PDE6G: variants seen among roughly 807,000 people sequenced by gnomAD.
PDE6G encodes the protein rod cGMP 3',5'-cyclic phosphodiesterase subunit gamma.
In PDE6G, 10 loss-of-function variants were observed where a neutral mutation model predicts 10.9. The ratio of observed to expected loss-of-function variants is 0.91; its 90% CI spans 0.56 to 1.55. The LOEUF (loss-of-function observed/expected upper bound fraction) is 1.55, where lower values mean the gene tolerates loss of function less well. Among genes scored for constraint, PDE6G ranks in the 40% most tolerant of loss-of-function variants. The pLI is 0.00. For synonymous variants in PDE6G, 41 were observed against 42.8 expected, an observed-to-expected ratio of 0.96 and a Z score of 0.16; for missense variants, 102 against 110.1, an observed-to-expected ratio of 0.93 and a Z score of 0.33.
At chr17:81,656,365 A>T in intron 1 of PDE6G, 128 bp downstream of exon 1, 1 of 659,054 alleles carries the variant, frequency 1.5e-6, no homozygotes, top group Non-Finnish European at 2.8e-6. Flanking sequence ...GCATCTGCAG[A>T]CCCAGACCTC....
rs938001932 is a variant in PDE6G, at chr17:81,651,191, G to A, written c.188-41C>T. 7.6e-6 allele frequency: 11 copies of A among 1,441,918 alleles called. No individual in the cohort carries two copies. The highest frequency in any genetic ancestry group is 1.1e-5 in the South Asian group (1 of 87,486). 89.3% of individuals were successfully genotyped at this position (1,441,918 alleles called of 1,614,324 possible). A position where few individuals can be genotyped will look rare whatever the true frequency, so the allele number is the denominator to read the frequency against. On this transcript the variant is annotated intron_variant, in intron 3 of 3. Coordinates refer to ENST00000331056, the MANE Select transcript of PDE6G (RefSeq NM_002602.4). The surrounding 1 kb of genome is among the most constrained non-coding windows in gnomAD (Gnocchi z 4.8). The stretch of plus-strand genomic sequence containing the variant: ...GCCACGGATCAGAGAGGATCCCACG[G>A]CCTAGGGACCCCCCCATCCCCTGTG...
chr17:81,660,749 C>T (rs1310866767), upstream of PDE6G, among the ~76,000 whole-genome samples: 1 of 152,184 alleles, frequency 6.6e-6, no homozygotes, highest in Non-Finnish European at 1.5e-5. Flanking sequence ...GTCTCAGACT[C>T]CCACAGTGCT....
At chr17:81,659,945 C>T (rs1314303208), upstream of PDE6G, among the ~76,000 whole-genome samples, 2 of 152,034 alleles carry the variant, frequency 1.3e-5, no homozygotes, top group Non-Finnish European at 2.9e-5. Context: ...ATTAGCCGGG[C>T]GTGGTGGTGC....
upstream of PDE6G, among the ~76,000 whole-genome samples, chr17:81,659,591 T>A (rs1390766775): frequency 6.6e-6 from 1 of 151,804 alleles, no homozygotes; most frequent in African/African-American, 2.4e-5. Flanking sequence ...AGAGGAAGAC[T>A]TCATCTCAAA....
chr17:81,650,804 A>C lies in PDE6G; in HGVS notation c.*270T>G. 1 of 559,188 alleles carries C rather than the reference A, an allele frequency of 1.8e-6. No individual in the cohort carries two copies. The highest frequency in any genetic ancestry group is 3.4e-6 in the Non-Finnish European group (1 of 293,946). The allele number at this position is 559,188 out of a possible 1,614,324, so 34.6% of individuals were successfully genotyped here. A position where few individuals can be genotyped will look rare whatever the true frequency, so the allele number is the denominator to read the frequency against. On this transcript the variant is annotated 3_prime_UTR_variant, in exon 4 of 4. Coordinates refer to ENST00000331056, the MANE Select transcript of PDE6G (RefSeq NM_002602.4). ...TTCTCCCTGGGAGTGGAGACCGACC[A>C]AGCCTCTCTGTGGGCAGGACTGAGG...
upstream of PDE6G, chr17:81,656,870 T>C: frequency 3.9e-6 from 2 of 513,922 alleles, no homozygotes; most frequent in Non-Finnish European, 7.1e-6. Context: ...CCCACCTTCA[T>C]GGTCCCCAAA....
Position 81,650,681 on chromosome 17 carries a change from G to T in PDE6G, c.*393C>A. ...CTTACAGGCAGGACAGGGGGCTGGGGTGCAGAAGCACTCTGGGGAGACCTG... is the reference window on the plus strand; with the variant it reads ...CTTACAGGCAGGACAGGGGGCTGGGTTGCAGAAGCACTCTGGGGAGACCTG... On this transcript the variant is annotated 3_prime_UTR_variant, in exon 4 of 4. Transcript: ENST00000331056. 1 of 458,144 alleles carries T rather than the reference G, an allele frequency of 2.2e-6. No individual in the cohort carries two copies. The highest frequency in any genetic ancestry group is 4.4e-6 in the Non-Finnish European group (1 of 229,462). The allele number at this position is 458,144 out of a possible 1,614,324, so 28.4% of individuals were successfully genotyped here.
chr17:81,655,610 G>A (rs1198421528), intron 1 of PDE6G, among the ~76,000 whole-genome samples: 2 of 152,256 alleles, frequency 1.3e-5, no homozygotes, highest in African/African-American at 4.8e-5. Flanking sequence ...CCTATTAACA[G>A]CAGAGGGGAA....
At chr17:81,662,791 G>C (rs868581527) in intron 1 of PDE6G, among the ~76,000 whole-genome samples, 1 of 152,178 alleles carries the variant, frequency 6.6e-6, no homozygotes, top group Middle Eastern at 3.4e-3. Context: ...CTGAGCCTAG[G>C]AGTTCAAGAC....
upstream of PDE6G, chr17:81,656,680 AG>A (rs2036451985): frequency 4.3e-6 from 3 of 701,384 alleles, no homozygotes; most frequent in Non-Finnish European, 7.8e-6. Flanking sequence ...GGAGGGGCTC[AG>A]GTGCTGTCAA....
At chr17:81,659,368 G>A (rs2036488416), upstream of PDE6G, among the ~76,000 whole-genome samples, 1 of 151,920 alleles carries the variant, frequency 6.6e-6, no homozygotes. Context: ...GGAGGACGAG[G>A]TGGCTGGACC....
chr17:81,658,949 A>G (rs1416916714), upstream of PDE6G, among the ~76,000 whole-genome samples: 1 of 152,188 alleles, frequency 6.6e-6, no homozygotes, highest in African/African-American at 2.4e-5. Context: ...ATGAAAATAC[A>G]TAAAGCTCCA....
Position 81,650,835 on chromosome 17 carries a change from G to A in PDE6G, c.*239C>T, listed in dbSNP as rs945996528. ...CTCTGTGGGCAGGACTGAGGGGTGG[G>A]CCTGTATCTCCAGATGTTGAGCAGG... On this transcript the variant is annotated 3_prime_UTR_variant, in exon 4 of 4. Transcript: ENST00000331056. 7 of 611,246 alleles carry A rather than the reference G, an allele frequency of 1.1e-5. No individual in the cohort carries two copies. The highest frequency in any genetic ancestry group is 2.1e-5 in the Non-Finnish European group (7 of 327,798). The allele number at this position is 611,246 out of a possible 1,614,324, so 37.9% of individuals were successfully genotyped here.
upstream of PDE6G, among the ~76,000 whole-genome samples, chr17:81,659,969 C>T (rs959282073): frequency 6.6e-6 from 1 of 151,988 alleles, no homozygotes; most frequent in Admixed American, 6.6e-5. Context: ...CTTGTAATCC[C>T]AGCTACTCAG....
At chr17:81,656,820 T>A (rs1195954364), upstream of PDE6G, 7 of 588,762 alleles carry the variant, frequency 1.2e-5, no homozygotes, top group Non-Finnish European at 2.1e-5. Context: ...GTCTTGGGCC[T>A]CCCTACTGCC....
chr17:81,659,752 C>A (rs576169281), upstream of PDE6G, among the ~76,000 whole-genome samples: 1 of 152,200 alleles, frequency 6.6e-6, no homozygotes, highest in Admixed American at 6.5e-5. Flanking sequence ...CAATTTTAGC[C>A]CTCTACGTAA....
Position 81,651,279 on chromosome 17 carries a change from G to T in PDE6G, c.188-129C>A. 2.7e-6 allele frequency: 2 copies of T among 730,472 alleles called. No individual in the cohort carries two copies. Among genetic ancestry groups the T allele is most frequent in the Non-Finnish European group, 4.8e-6 (2 of 412,976 alleles). 45.2% of individuals were successfully genotyped at this position (730,472 alleles called of 1,614,324 possible). ...TGCTGAGCGGGGACGTGCGGACGCT[G>T]GAGTGGGGCCCTCCTCTGGGGACAC... On this transcript the variant is annotated intron_variant, in intron 3 of 3. Transcript: ENST00000331056. The surrounding 1 kb of genome is among the most constrained non-coding windows in gnomAD (Gnocchi z 4.8).
In PDE6G at chr17:81,650,905, C is replaced by T; in HGVS notation, c.*169G>A. Reference sequence around the variant, plus strand: ...GGGCATCCTAGAGGGAGGTGGTGGGCTCCTGGTGACTGGTATTAATATGTA... The same window carrying T: ...GGGCATCCTAGAGGGAGGTGGTGGGTTCCTGGTGACTGGTATTAATATGTA... On this transcript the variant is annotated 3_prime_UTR_variant, in exon 4 of 4. Transcript: ENST00000331056. The T allele has an allele frequency of 1.5e-6, 1 of 684,804 alleles. No homozygotes were observed. Among genetic ancestry groups the T allele is most frequent in the Non-Finnish European group, 2.7e-6 (1 of 371,674 alleles). The allele number at this position is 684,804 out of a possible 1,614,324, so 42.4% of individuals were successfully genotyped here.
chr17:81,661,471 C>T (rs2036509526), upstream of PDE6G, among the ~76,000 whole-genome samples: 1 of 152,164 alleles, frequency 6.6e-6, no homozygotes, highest in Non-Finnish European at 1.5e-5. Context: ...AATCCCAGCA[C>T]TTTGGAAGGC....
Sources: allele counts gnomAD v4.1 joint callset (sites outside exome capture counted in the v4.1 genomes callset), GRCh38; gene constraint gnomAD v4.1.1; non-coding constraint Gnocchi (gnomAD v3.1); transcripts MANE v1.5; gene names NCBI Gene and HGNC (gene_info 2026-07-23, HGNC 2026-07-21).